RBM20: variants seen among roughly 807,000 people sequenced by gnomAD.
RBM20 encodes the protein RNA-binding protein 20.
A neutral mutation model predicts 110.1 loss-of-function variants in RBM20; 51 were observed. That is an observed-to-expected ratio of 0.46 (90% CI 0.37 to 0.59). The LOEUF is 0.59. RBM20 is among the 20% of genes least tolerant of loss of function. The pLI, the probability that RBM20 is intolerant of heterozygous loss-of-function variation, is 0.00. For missense variants in RBM20, 1,512 were observed against 1,574.9 expected (o/e 0.96, Z 0.68); for synonymous variants, 589 against 618.2 (o/e 0.95, Z 0.70).
intron 9 of RBM20, among the ~76,000 whole-genome samples, chr10:110,818,904 C>T (rs766835440): frequency 1.3e-5 from 2 of 152,238 alleles, no homozygotes; most frequent in African/African-American, 2.4e-5. Flanking sequence ...GTGCAGTAGA[C>T]TTCAGCAAAG....
chr10:110,658,849 A>G (rs188297825), intron 1 of RBM20, among the ~76,000 whole-genome samples: 6 of 151,878 alleles, frequency 4.0e-5, no homozygotes, highest in Non-Finnish European at 8.8e-5. Context: ...TTCTGCTTAG[A>G]CCTCACCTCT....
intron 10 of RBM20, 60 bp from the exon 11 acceptor site, chr10:110,821,215 G>C: frequency 1.4e-6 from 2 of 1,417,426 alleles, no homozygotes; most frequent in African/African-American, 1.4e-5. Flanking sequence ...GCCAAGTCTT[G>C]TGCCTTCCAG....
chr10:110,667,108 C>A (rs1862189833), intron 1 of RBM20, among the ~76,000 whole-genome samples: 1 of 152,182 alleles, frequency 6.6e-6, no homozygotes, highest in Non-Finnish European at 1.5e-5. Flanking sequence ...CAACCAACCT[C>A]ATTTGGCTGT....
At chr10:110,703,874 G>T (rs566642595) in intron 1 of RBM20, among the ~76,000 whole-genome samples, 51 of 152,334 alleles carry the variant, frequency 3.3e-4, no homozygotes, top group African/African-American at 1.2e-3. Flanking sequence ...CATTTTGGGA[G>T]GCCACGGTGG....
chr10:110,657,164 A>G (rs752017328), intron 1 of RBM20, among the ~76,000 whole-genome samples: 12 of 151,842 alleles, frequency 7.9e-5, no homozygotes, highest in Non-Finnish European at 1.5e-4. Context: ...CTACAGGCCC[A>G]TGCCACCACG....
At chr10:110,788,193 C>T (rs1401982180) in intron 5 of RBM20, among the ~76,000 whole-genome samples, 1 of 152,164 alleles carries the variant, frequency 6.6e-6, no homozygotes, top group Non-Finnish European at 1.5e-5. Context: ...TGATCCTCCT[C>T]TTTAGTAAGC....
chr10:110,789,665 G>A (rs929616798), intron 5 of RBM20, among the ~76,000 whole-genome samples: 4 of 152,166 alleles, frequency 2.6e-5, no homozygotes, highest in Non-Finnish European at 5.9e-5. Flanking sequence ...CCAGGCTCGC[G>A]TGTTTATATT....
intron 9 of RBM20, among the ~76,000 whole-genome samples, chr10:110,816,481 A>G (rs552905937): frequency 2.9e-3 from 437 of 150,094 alleles, no homozygotes; most frequent in Non-Finnish European, 5.2e-3. Flanking sequence ...AGACCATCTC[A>G]ATACCCCAAC....
chr10:110,728,888 C>G (rs1283537224), intron 1 of RBM20, among the ~76,000 whole-genome samples: 1 of 152,178 alleles, frequency 6.6e-6, no homozygotes, highest in African/African-American at 2.4e-5. Flanking sequence ...TCTGTTTATG[C>G]ACACAGCCTT....
At chr10:110,643,640 G>A (rs549757530), upstream of RBM20, among the ~76,000 whole-genome samples, 25 of 152,258 alleles carry the variant, frequency 1.6e-4, no homozygotes, top group Non-Finnish European at 2.9e-4. Flanking sequence ...GGTCTTTTAA[G>A]TGAAGAGAAA....
intron 13 of RBM20, 148 bp downstream of exon 13, chr10:110,831,330 C>A (rs1308804979): frequency 2.8e-6 from 2 of 714,456 alleles, no homozygotes; most frequent in Non-Finnish European, 2.2e-6. Flanking sequence ...CTTGCCATTC[C>A]CCAAGCACAC....
At position 110,799,915 on chromosome 10, in the gene RBM20, C is replaced by A; in HGVS notation, c.1797C>A (p.Leu599=). 6.4e-7 allele frequency: 1 copy of A among 1,551,784 alleles called. No homozygotes were observed. Among genetic ancestry groups the A allele is most frequent in the South Asian group, 1.2e-5 (1 of 84,034 alleles). The change falls in exon 7 of 14, where the codon CTC becomes CTA. Residue 599 remains leucine (L), a synonymous_variant. Transcript: ENST00000369519. The part of the protein sequence containing the change: ...RMSKRYKELQ[L]KKPGKAVAAI... ...CCAAGAGATACAAGGAATTGCAGCTCAAGGTAAAGCATTATCTTGCTCATT... is the reference window on the plus strand; with the variant it reads ...CCAAGAGATACAAGGAATTGCAGCTAAAGGTAAAGCATTATCTTGCTCATT...
At chr10:110,723,731 A>G (rs1362492252) in intron 1 of RBM20, among the ~76,000 whole-genome samples, 1 of 152,192 alleles carries the variant, frequency 6.6e-6, no homozygotes, top group Non-Finnish European at 1.5e-5. Flanking sequence ...TTCTCTGGAG[A>G]CACATCTATT....
At chr10:110,760,358 C>G (rs1169558323) in intron 1 of RBM20, among the ~76,000 whole-genome samples, 1 of 146,074 alleles carries the variant, frequency 6.8e-6, no homozygotes, top group Non-Finnish European at 1.5e-5. Flanking sequence ...ACACTTTCAT[C>G]TGAGGGGTTC....
chr10:110,652,254 A>T, intron 1 of RBM20, among the ~76,000 whole-genome samples: 1 of 152,310 alleles, frequency 6.6e-6, no homozygotes, highest in East Asian at 1.9e-4. Context: ...TTTTGAAAAG[A>T]TGTGTATGAG....
intron 1 of RBM20, among the ~76,000 whole-genome samples, chr10:110,718,585 A>C (rs970088671): frequency 2.3e-5 from 3 of 131,466 alleles, no homozygotes; most frequent in African/African-American, 8.4e-5. Context: ...CTTTGATGTT[A>C]ATACATATAA....
intron 1 of RBM20, among the ~76,000 whole-genome samples, chr10:110,722,026 C>G (rs1477448582): frequency 2.6e-5 from 4 of 152,122 alleles, no homozygotes; most frequent in African/African-American, 9.7e-5. Context: ...CCTGCCTTTT[C>G]TCTGCCTTTG....
intron 1 of RBM20, among the ~76,000 whole-genome samples, chr10:110,665,221 T>C (rs1199428319): frequency 2.0e-5 from 3 of 152,164 alleles, no homozygotes; most frequent in African/African-American, 7.2e-5. Context: ...ACAGAAGGAA[T>C]GAATATTAGC....
intron 1 of RBM20, among the ~76,000 whole-genome samples, chr10:110,676,230 CA>C (rs1361898124): frequency 6.6e-6 from 1 of 152,158 alleles, no homozygotes; most frequent in Non-Finnish European, 1.5e-5. Context: ...TTGTACATCC[CA>C]GGGGCTGAAA....
Sources: allele counts gnomAD v4.1 joint callset (sites outside exome capture counted in the v4.1 genomes callset), GRCh38; gene constraint gnomAD v4.1.1; transcripts MANE v1.5; gene names NCBI Gene and HGNC (gene_info 2026-07-23, HGNC 2026-07-21).